Variants in SSC4D observed in about 807,000 individuals in gnomAD.
The protein encoded by SSC4D is scavenger receptor cysteine rich family member with 4 domains, also known as scavenger receptor cysteine-rich domain-containing group B protein.
A neutral mutation model predicts 63.4 loss-of-function variants in SSC4D; 57 were observed. That is an observed-to-expected ratio of 0.90 (90% confidence interval 0.73 to 1.12). The LOEUF is 1.12. SSC4D is among the 50% of genes most tolerant of loss of function. The probability of loss-of-function intolerance (pLI) is 0.00; values close to 1 mark genes in which losing one functional copy is unlikely to be tolerated. For missense variants in SSC4D, 791 were observed against 806.4 expected (o/e 0.98, Z 0.23); for synonymous variants, 352 against 345.4 (o/e 1.02, Z -0.21).
intron 5 of SSC4D, 117 bp downstream of exon 5, chr7:76,398,603 C>A: frequency 8.3e-7 from 1 of 1,202,822 alleles, no homozygotes; most frequent in African/African-American, 1.5e-5. Flanking sequence ...CCATGCCCAG[C>A]CATTTTCTCT....
In SSC4D at chr7:76,398,556, C is replaced by T. The variant is rs1027936405; in HGVS notation, c.553+164G>A. Among the ~76,000 whole-genome samples the T allele has an allele frequency of 4.6e-5, 7 of 151,526 alleles. 1 individual carries two copies. The highest frequency in any genetic ancestry group is 5.9e-5 in the Non-Finnish European group (4 of 67,698). On this transcript the variant is annotated intron_variant, in intron 5 of 10. Transcript: ENST00000275560. ...CCAACCTCAAGTGATCCGCTGGCCTCGGCCTCCCAAAGTGCTGGGATTACA... is the reference window on the plus strand; with the variant it reads ...CCAACCTCAAGTGATCCGCTGGCCTTGGCCTCCCAAAGTGCTGGGATTACA...
In SSC4D at chr7:76,397,513, C is replaced by T. The variant is rs1288615525; in HGVS notation, c.868+5G>A. 16 of 1,523,538 alleles carry T rather than the reference C, an allele frequency of 1.1e-5. No individual in the cohort carries two copies. Among genetic ancestry groups the T allele is most frequent in the African/African-American group, 2.8e-5 (2 of 72,474 alleles). 94.4% of individuals were successfully genotyped at this position (1,523,538 alleles called of 1,614,324 possible). A position where few individuals can be genotyped will look rare whatever the true frequency, so the allele number is the denominator to read the frequency against. On this transcript the variant is annotated splice_donor_5th_base_variant and intron_variant, in intron 6 of 10. Coordinates refer to ENST00000275560, the MANE Select transcript of SSC4D (RefSeq NM_080744.2). ...GGCCCCGCCCATCGCCCCTAGAGCC[C>T]GCACCTGCGCAGAGCGCGCCCGCGT...
intron 9 of SSC4D, among the ~76,000 whole-genome samples, chr7:76,392,993 C>A (rs935636849): frequency 3.3e-5 from 5 of 152,298 alleles, no homozygotes; most frequent in Middle Eastern, 6.8e-3. Flanking sequence ...ACTGACTCCG[C>A]CCAAAGGTCA....
chr7:76,391,535 G>C (rs781716951), intron 10 of SSC4D, among the ~76,000 whole-genome samples: 1 of 152,142 alleles, frequency 6.6e-6, no homozygotes, highest in African/African-American at 2.4e-5. Context: ...GACGTGTACT[G>C]GGTGCTTCAT....
At chr7:76,392,549 A>T (rs1439729493) in intron 9 of SSC4D, among the ~76,000 whole-genome samples, 1 of 151,674 alleles carries the variant, frequency 6.6e-6, no homozygotes, top group Non-Finnish European at 1.5e-5. Flanking sequence ...AAAAAAAAAA[A>T]AAAAGTCATG....
Position 76,393,388 on chromosome 7 carries a change from T to C in SSC4D, c.1333+17A>G, listed in dbSNP as rs2115742835. On this transcript the variant is annotated intron_variant, in intron 9 of 10. Transcript: ENST00000275560. ...GCGCGGCCCCGCTGTCAGCCTCACC[T>C]TCGCTGTCAGCCTCACCTGCGCAGA... The C allele has an allele frequency of 7.4e-7, 1 of 1,344,850 alleles. No homozygotes were observed. The highest frequency in any genetic ancestry group is 9.6e-7 in the Non-Finnish European group (1 of 1,045,002). 83.3% of individuals were successfully genotyped at this position (1,344,850 alleles called of 1,614,324 possible).
rs990692782 is a variant in SSC4D, at chr7:76,389,823, G to A, written c.*236C>T. 6 of 572,010 alleles carry A rather than the reference G, an allele frequency of 1.0e-5. No homozygotes were observed. The East Asian group carries it at 1.8e-4, about 17-fold the overall frequency. The allele number at this position is 572,010 out of a possible 1,614,324, so 35.4% of individuals were successfully genotyped here. A position where few individuals can be genotyped will look rare whatever the true frequency, so the allele number is the denominator to read the frequency against. On this transcript the variant is annotated 3_prime_UTR_variant, in exon 11 of 11. Transcript: ENST00000275560. Reference sequence around the variant, plus strand: ...TTGGTTTTGGCTGAGCAAAACCACAGGAGCTTTCACTGAATTGGGCTCACA... The same window carrying A: ...TTGGTTTTGGCTGAGCAAAACCACAAGAGCTTTCACTGAATTGGGCTCACA...
chr7:76,400,255 C>T (rs772170908), intron 4 of SSC4D, 31 bp downstream of exon 4: 1 of 1,436,576 alleles, frequency 7.0e-7, no homozygotes, highest in South Asian at 1.6e-5. Context: ...CACAGTCTGT[C>T]TGTCCCTCCA....
intron 2 of SSC4D, among the ~76,000 whole-genome samples, chr7:76,402,111 C>T (rs546104570): frequency 9.2e-5 from 14 of 151,728 alleles, no homozygotes; most frequent in Admixed American, 4.6e-4. Flanking sequence ...CCTCCAATAC[C>T]GGAGTTCAAT....
chr7:76,398,625 T>C, intron 5 of SSC4D, 95 bp downstream of exon 5: 3 of 1,382,556 alleles, frequency 2.2e-6, no homozygotes, highest in Non-Finnish European at 3.0e-6. Context: ...ACTTTACATC[T>C]TCAATTTGTA....
intron 9 of SSC4D, 32 bp downstream of exon 9, chr7:76,393,372 CG>C: frequency 7.6e-7 from 1 of 1,314,560 alleles, no homozygotes; most frequent in Non-Finnish European, 9.7e-7. Context: ...TGCGCGGCCC[CG>C]CTGTCAGCCT....
At chr7:76,398,395 C>T (rs936189811) in intron 5 of SSC4D, among the ~76,000 whole-genome samples, 2 of 151,248 alleles carry the variant, frequency 1.3e-5, no homozygotes, top group Non-Finnish European at 2.9e-5. Flanking sequence ...ACCTCTGCCT[C>T]CCGGGTTCAA....
chr7:76,392,156 C>A, intron 9 of SSC4D, 115 bp from the exon 10 acceptor site: 1 of 1,008,566 alleles, frequency 9.9e-7, no homozygotes, highest in Non-Finnish European at 1.4e-6. Context: ...ACAAAAAGGA[C>A]TTCACAGGTT....
chr7:76,389,924 G>T lies in SSC4D; in HGVS notation c.*135C>A. 1.7e-6 allele frequency: 2 copies of T among 1,184,932 alleles called. No homozygotes were observed. Among genetic ancestry groups the T allele is most frequent in the Non-Finnish European group, 2.4e-6 (2 of 830,196 alleles). 73.4% of individuals were successfully genotyped at this position (1,184,932 alleles called of 1,614,324 possible). On this transcript the variant is annotated 3_prime_UTR_variant, in exon 11 of 11. Coordinates refer to ENST00000275560, the MANE Select transcript of SSC4D (RefSeq NM_080744.2). Reference sequence around the variant, plus strand: ...AGGCTCCCCCAAGCAGGACTGCACTGTCTAGGTAGGCTCTCTCCCAGGCAA... The same window carrying T: ...AGGCTCCCCCAAGCAGGACTGCACTTTCTAGGTAGGCTCTCTCCCAGGCAA...
intron 9 of SSC4D, among the ~76,000 whole-genome samples, chr7:76,392,904 A>G (rs1446948461): frequency 1.3e-5 from 2 of 152,214 alleles, no homozygotes; most frequent in African/African-American, 4.8e-5. Flanking sequence ...CTGGGGCACC[A>G]AATGAGGGTG....
rs1222394905 is a variant in SSC4D, at chr7:76,392,020, T to C, written c.1355A>G (p.Gln452Arg). 6.3e-7 allele frequency: 1 copy of C among 1,581,436 alleles called. No homozygotes were observed. The highest frequency in any genetic ancestry group is 1.8e-5 in the Admixed American group (1 of 54,946). The change falls in exon 10 of 11, where the codon CAA (glutamine) becomes CGA (arginine). Residue 452 changes from glutamine (Q) to arginine (R), a missense_variant. Physicochemically the swap from Gln to Arg is conservative, Grantham distance 43 (BLOSUM62 1). Transcript: ENST00000275560. ...GGTCTCAGAACCATCCTGCTGGACTTGCAGTCCCAGCTCCTCTGGGCCTGG... is the reference window on the plus strand; with the variant it reads ...GGTCTCAGAACCATCCTGCTGGACTCGCAGTCCCAGCTCCTCTGGGCCTGG... Reference protein sequence around the residue: ...LCAGPEELGLQVQQDGSETTR... With the variant: ...LCAGPEELGLRVQQDGSETTR...
chr7:76,397,687 C>A lies in SSC4D; in HGVS notation c.699G>T (p.Gly233=). 6.2e-7 allele frequency: 1 copy of A among 1,613,432 alleles called. No homozygotes were observed. Among genetic ancestry groups the A allele is most frequent in the East Asian group, 2.2e-5 (1 of 44,866 alleles). Residue 233 remains glycine, a synonymous_variant, in exon 6 of 11, where the codon GGG becomes GGT. Coordinates refer to ENST00000275560, the MANE Select transcript of SSC4D (RefSeq NM_080744.2). ...AAVVCRQLGC[G]AAMAATTNAF... ...CGTTGGTGGTGGCGGCCATGGCCGCCCCGCAGCCCAGCTGACGACAGACCA... is the reference window on the plus strand; with the variant it reads ...CGTTGGTGGTGGCGGCCATGGCCGCACCGCAGCCCAGCTGACGACAGACCA...
rs189661199 is a variant in SSC4D, at chr7:76,407,753, G to T, written c.-67+1661C>A. Among the ~76,000 whole-genome samples the T allele has an allele frequency of 1.5e-4, 23 of 152,210 alleles. No individual in the cohort carries two copies. In the East Asian group the frequency reaches 3.7e-3, roughly 24 times the overall value. ...GTCTCTAACTAAAAAGAAAAAAAAA[G>T]TGCATAAACCATGAGCTTAGAGCTC... On this transcript the variant is annotated intron_variant, in intron 1 of 10. Transcript: ENST00000275560.
intron 5 of SSC4D, among the ~76,000 whole-genome samples, chr7:76,398,063 C>T (rs997150933): frequency 2.0e-5 from 3 of 152,128 alleles, no homozygotes; most frequent in African/African-American, 4.8e-5. Flanking sequence ...CAGCCTGGGA[C>T]GTGCTGCCTT....
Sources: gnomAD v4.1 joint callset for allele counts (sites outside exome capture counted in the v4.1 genomes callset) on GRCh38, gnomAD v4.1.1 for gene constraint, MANE v1.5 for transcripts, NCBI Gene and HGNC (gene_info 2026-07-23, HGNC 2026-07-21) for gene names.